Variants in RGS7BP observed in about 807,000 individuals in gnomAD.
The protein encoded by RGS7BP is regulator of G protein signaling 7 binding protein.
RGS7BP carries 9 observed loss-of-function variants against 31.3 expected under a neutral mutation model. That is an observed-to-expected ratio of 0.29 (90% CI 0.17 to 0.50). The LOEUF is 0.50. RGS7BP is among the 20% of genes least tolerant of loss of function. The pLI is 0.98. For missense variants in RGS7BP, 274 were observed against 322.0 expected (o/e 0.85, Z 1.14); for synonymous variants, 115 against 120.1 (o/e 0.96, Z 0.28).
At chr5:64,558,689 G>A (rs1485715033) in intron 2 of RGS7BP, among the ~76,000 whole-genome samples, 1 of 152,096 alleles carries the variant, frequency 6.6e-6, no homozygotes, top group Non-Finnish European at 1.5e-5. Context: ...AGCTAGGCAG[G>A]ACACAGCCAT....
intron 2 of RGS7BP, among the ~76,000 whole-genome samples, chr5:64,568,883 A>G (rs1301288942): frequency 6.6e-6 from 1 of 150,902 alleles, no homozygotes; most frequent in Non-Finnish European, 1.5e-5. Context: ...CCCATTATTT[A>G]TCAACTCTCC....
At chr5:64,596,943 C>A (rs1184268282) in intron 4 of RGS7BP, among the ~76,000 whole-genome samples, 2 of 152,242 alleles carry the variant, frequency 1.3e-5, no homozygotes, top group Admixed American at 6.5e-5. Flanking sequence ...TGGTGACTGT[C>A]TTTCCTCAAA....
At chr5:64,561,050 C>A (rs186402451) in intron 2 of RGS7BP, among the ~76,000 whole-genome samples, 191 of 152,190 alleles carry the variant, frequency 1.3e-3, no homozygotes, top group African/African-American at 4.4e-3. Context: ...GATGCTGGGA[C>A]CCCTGCGGGG....
chr5:64,594,873 C>T lies in RGS7BP; in HGVS notation c.611+16C>T. ...ACACTGAAAGGTAAGTGGGAAGTTA[C>T]CCTGAATAGACTGCCAATCCTCCTC... On this transcript the variant is annotated intron_variant, in intron 4 of 5. Coordinates refer to ENST00000334025, the MANE Select transcript of RGS7BP (RefSeq NM_001029875.3). The T allele has an allele frequency of 6.2e-7, 1 of 1,612,642 alleles. No individual in the cohort carries two copies. The highest frequency in any genetic ancestry group is 8.5e-7 in the Non-Finnish European group (1 of 1,179,018).
intron 2 of RGS7BP, among the ~76,000 whole-genome samples, chr5:64,554,599 AG>A (rs1164752880): frequency 6.6e-6 from 1 of 152,208 alleles, no homozygotes; most frequent in Non-Finnish European, 1.5e-5. Context: ...ATAGTCCAAA[AG>A]CAATACATCT....
At chr5:64,579,543 C>CAAAAAAAAA (rs34003776) in intron 3 of RGS7BP, among the ~76,000 whole-genome samples, 11 of 53,312 alleles carry the variant, frequency 2.1e-4, no homozygotes, top group East Asian at 6.7e-4. Context: ...GACTCCATCT[C>CAAAAAAAAA]AAAAAAAAAA....
chr5:64,533,916 A>G (rs551754226), intron 2 of RGS7BP, among the ~76,000 whole-genome samples: 2 of 152,330 alleles, frequency 1.3e-5, no homozygotes, highest in African/African-American at 4.8e-5. Context: ...CATGACTTAC[A>G]CTTGTGAAAT....
intron 2 of RGS7BP, among the ~76,000 whole-genome samples, chr5:64,528,725 C>T (rs893474256): frequency 2.0e-5 from 3 of 146,530 alleles, no homozygotes; most frequent in African/African-American, 5.0e-5. Flanking sequence ...GCAGGAGAAT[C>T]GCTTGAACCC....
chr5:64,508,003 T>C, intron 2 of RGS7BP, 126 bp downstream of exon 2: 2 of 787,666 alleles, frequency 2.5e-6, no homozygotes, highest in Non-Finnish European at 2.0e-6. Flanking sequence ...AGATCGAAAT[T>C]CTCTAGAGAG....
rs942018236 is a variant in RGS7BP, at chr5:64,568,787, T to G, written c.333-6987T>G. Among the ~76,000 whole-genome samples, 8 of 151,826 alleles carry G rather than the reference T, an allele frequency of 5.3e-5. 1 individual carries two copies. Among genetic ancestry groups the G allele is most frequent in the Admixed American group, 2.6e-4 (4 of 15,234 alleles). On this transcript the variant is annotated intron_variant, in intron 2 of 5. Transcript: ENST00000334025. ...TCAGGGAACTGATGGTTATTGTTTT[T>G]TTTTTTTTTTAGTGTTTAAATGTTT...
At chr5:64,513,672 G>A (rs1748897493) in intron 2 of RGS7BP, among the ~76,000 whole-genome samples, 1 of 152,236 alleles carries the variant, frequency 6.6e-6, no homozygotes, top group African/African-American at 2.4e-5. Context: ...TCCACACGGT[G>A]GAGGAGGCCT....
At chr5:64,556,097 A>G (rs866848191) in intron 2 of RGS7BP, among the ~76,000 whole-genome samples, 13 of 152,056 alleles carry the variant, frequency 8.5e-5, no homozygotes, top group Non-Finnish European at 1.5e-5. Flanking sequence ...TTCCTCAATG[A>G]TTATATCAAT....
chr5:64,598,460 G>A (rs775829800), intron 5 of RGS7BP, 25 bp downstream of exon 5: 2 of 1,440,546 alleles, frequency 1.4e-6, no homozygotes, highest in Admixed American at 1.7e-5. Flanking sequence ...TTCTCTTTGA[G>A]GCAGAGGATG....
intron 2 of RGS7BP, among the ~76,000 whole-genome samples, chr5:64,542,718 C>T (rs1741557047): frequency 1.3e-5 from 2 of 152,192 alleles, no homozygotes; most frequent in South Asian, 4.1e-4. Flanking sequence ...TAAAAGGAAA[C>T]ATTTTACATC....
intron 2 of RGS7BP, among the ~76,000 whole-genome samples, chr5:64,511,558 G>GGT (rs1748835800): frequency 2.0e-5 from 3 of 152,094 alleles, no homozygotes; most frequent in South Asian, 4.2e-4. Flanking sequence ...CACTGCTTGG[G>GGT]GTGTGTGTGT....
At position 64,560,918 on chromosome 5, in the gene RGS7BP, A is replaced by C. The variant is rs115694921; in HGVS notation, c.333-14856A>C. Among the ~76,000 whole-genome samples, 639 of 152,246 alleles carry C rather than the reference A, an allele frequency of 4.2e-3. 2 individuals are homozygous for C. Among genetic ancestry groups the C allele is most frequent in the African/African-American group, 0.012 (504 of 41,564 alleles). On this transcript the variant is annotated intron_variant, in intron 2 of 5. Coordinates refer to ENST00000334025, the MANE Select transcript of RGS7BP (RefSeq NM_001029875.3). ...ACAGTCCATGAACAGCACTGATGCC[A>C]CCTTCCCATTTTTCCCTTAATGCAT...
At chr5:64,533,321 A>T (rs565428284) in intron 2 of RGS7BP, among the ~76,000 whole-genome samples, 1 of 152,310 alleles carries the variant, frequency 6.6e-6, no homozygotes, top group South Asian at 2.1e-4. Context: ...AATGAATAAG[A>T]AGCTTTGAAG....
chr5:64,548,473 T>C (rs1741712156), intron 2 of RGS7BP, among the ~76,000 whole-genome samples: 1 of 152,100 alleles, frequency 6.6e-6, no homozygotes, highest in African/African-American at 2.4e-5. Flanking sequence ...AATTCAAGAT[T>C]TGAAGTATTT....
chr5:64,606,299 G>T (rs1430796749), intron 5 of RGS7BP, among the ~76,000 whole-genome samples: 1 of 119,872 alleles, frequency 8.3e-6, no homozygotes, highest in Non-Finnish European at 1.7e-5. Context: ...ACAACATTGT[G>T]GTAGGTATTT....
Sources: allele counts gnomAD v4.1 joint callset (sites outside exome capture counted in the v4.1 genomes callset), GRCh38; gene constraint gnomAD v4.1.1; transcripts MANE v1.5; gene names NCBI Gene and HGNC (gene_info 2026-07-23, HGNC 2026-07-21).